The following SGCZ variants were observed in gnomAD, a reference collection of about 807,000 sequenced individuals.
SGCZ encodes the protein sarcoglycan zeta.
SGCZ carries 40 observed loss-of-function variants against 41.3 expected under a neutral mutation model. That is an observed-to-expected ratio of 0.97 (90% confidence interval 0.75 to 1.26). SGCZ has a LOEUF of 1.26. Among genes scored for constraint, SGCZ ranks in the 50% most tolerant of loss-of-function variants. SGCZ has a pLI of 0.00. For missense variants in SGCZ, 552 were observed against 369.8 expected (o/e 1.49, Z -4.04); for synonymous variants, 206 against 137.5 (o/e 1.50, Z -3.49).
chr8:14,335,053 G>GGATATCTGT (rs1802462960), intron 2 of SGCZ, among the ~76,000 whole-genome samples: 1 of 152,092 alleles, frequency 6.6e-6, no homozygotes, highest in Non-Finnish European at 1.5e-5. Flanking sequence ...AGCACATGAA[G>GGATATCTGT]ACACAGATGA....
At chr8:14,634,716 G>A (rs1241509856) in intron 1 of SGCZ, among the ~76,000 whole-genome samples, 4 of 151,540 alleles carry the variant, frequency 2.6e-5, no homozygotes, top group South Asian at 4.2e-4. Flanking sequence ...AGACACATAC[G>A]GAAATCACAA....
intron 3 of SGCZ, among the ~76,000 whole-genome samples, chr8:14,238,584 A>C (rs1299933903): frequency 6.6e-6 from 1 of 152,190 alleles, no homozygotes; most frequent in East Asian, 1.9e-4. Context: ...TTAACAGCTC[A>C]CATATTAGGC....
intron 1 of SGCZ, among the ~76,000 whole-genome samples, chr8:14,965,398 G>T (rs547010801): frequency 1.3e-5 from 2 of 152,198 alleles, no homozygotes; most frequent in South Asian, 4.1e-4. Context: ...ATGAAAGACG[G>T]AAAGTAAAGG....
chr8:14,115,583 G>A (rs924958446), intron 5 of SGCZ, among the ~76,000 whole-genome samples: 3 of 151,806 alleles, frequency 2.0e-5, no homozygotes, highest in Admixed American at 6.6e-5. Flanking sequence ...TTAAGATTTG[G>A]ACATTTTACC....
chr8:14,242,252 G>A (rs1434222678), intron 3 of SGCZ, among the ~76,000 whole-genome samples: 10 of 152,188 alleles, frequency 6.6e-5, no homozygotes, highest in Admixed American at 1.3e-4. Flanking sequence ...ACATTAAGTC[G>A]TAGTGAAATA....
chr8:14,190,255 G>A (rs934890618), intron 4 of SGCZ, among the ~76,000 whole-genome samples: 4 of 151,638 alleles, frequency 2.6e-5, no homozygotes, highest in African/African-American at 4.8e-5. Flanking sequence ...CTTGTGATCC[G>A]CCCACCTCGG....
chr8:15,070,671 A>T (rs1416079292), intron 1 of SGCZ, among the ~76,000 whole-genome samples: 1 of 152,176 alleles, frequency 6.6e-6, no homozygotes, highest in Non-Finnish European at 1.5e-5. Flanking sequence ...TTACTTAAAG[A>T]GCAATTCAAG....
At chr8:15,105,017 C>G (rs1336898189) in intron 1 of SGCZ, among the ~76,000 whole-genome samples, 1 of 152,112 alleles carries the variant, frequency 6.6e-6, no homozygotes, top group Non-Finnish European at 1.5e-5. Context: ...ATATGTAAGT[C>G]TATTTCACCA....
At chr8:15,098,407 C>G (rs17120915) in intron 1 of SGCZ, among the ~76,000 whole-genome samples, 16,546 of 152,118 alleles carry the variant, frequency 0.11, 950 homozygotes, top group Middle Eastern at 0.21. Flanking sequence ...TATCCCAGAC[C>G]CAAACAAATT....
intron 2 of SGCZ, among the ~76,000 whole-genome samples, chr8:14,423,764 T>G (rs1585490614): frequency 6.6e-6 from 1 of 152,174 alleles, no homozygotes; most frequent in African/African-American, 2.4e-5. Flanking sequence ...CTTTCTTCCT[T>G]CCTTCCGTCC....
intron 2 of SGCZ, among the ~76,000 whole-genome samples, chr8:14,379,645 A>G (rs188325200): frequency 6.6e-6 from 1 of 152,288 alleles, no homozygotes; most frequent in Admixed American, 6.5e-5. Context: ...ATAAGCATGT[A>G]ATAATAGGCA....
chr8:14,285,163 G>A (rs542700855), intron 3 of SGCZ, among the ~76,000 whole-genome samples: 1 of 151,980 alleles, frequency 6.6e-6, no homozygotes, highest in African/African-American at 2.4e-5. Flanking sequence ...GATCCTTCTA[G>A]GCTTTTTATT....
intron 2 of SGCZ, among the ~76,000 whole-genome samples, chr8:14,547,301 C>T (rs1297613120): frequency 1.3e-5 from 2 of 152,086 alleles, no homozygotes; most frequent in Admixed American, 6.6e-5. Context: ...CAAATAAGCT[C>T]CCTCATTCAG....
chr8:14,252,023 T>C (rs1799305776), intron 3 of SGCZ, among the ~76,000 whole-genome samples: 1 of 152,160 alleles, frequency 6.6e-6, no homozygotes, highest in Non-Finnish European at 1.5e-5. Flanking sequence ...TTCATGTCTT[T>C]TATTAGATTG....
intron 2 of SGCZ, among the ~76,000 whole-genome samples, chr8:14,430,743 G>C (rs772731429): frequency 1.3e-5 from 2 of 152,146 alleles, no homozygotes; most frequent in Non-Finnish European, 2.9e-5. Context: ...TCGGAAAAGA[G>C]AAAGTCAAAA....
chr8:14,981,039 A>C (rs1166448305), intron 1 of SGCZ, among the ~76,000 whole-genome samples: 1 of 152,100 alleles, frequency 6.6e-6, no homozygotes, highest in African/African-American at 2.4e-5. Context: ...TGCCCTACTA[A>C]ATCTTAATTA....
In SGCZ at chr8:14,433,571, G is replaced by A. The variant is rs1485114716; in HGVS notation, c.235-109367C>T. ...GTTGACCAAGGCCCCAAACTAATCT[G>A]CCATTATGATCTTCCATCATTGCAT... is the stretch of plus-strand genomic sequence containing the variant. On this transcript the variant is annotated intron_variant, in intron 2 of 7. Transcript: ENST00000382080. 3.3e-5 allele frequency among the ~76,000 whole-genome samples: 5 copies of A among 151,980 alleles called. No individual in the cohort carries two copies. The East Asian group carries it at 9.6e-4, about 29-fold the overall frequency.
At chr8:14,220,097 G>A (rs73664179) in intron 4 of SGCZ, among the ~76,000 whole-genome samples, 3,847 of 152,108 alleles carry the variant, frequency 0.025, 171 homozygotes, top group African/African-American at 0.087. Context: ...CTAATAGATC[G>A]GTGCTTCTAT....
intron 1 of SGCZ, among the ~76,000 whole-genome samples, chr8:15,045,087 AT>A (rs1313126413): frequency 3.0e-5 from 4 of 135,560 alleles, no homozygotes; most frequent in African/African-American, 1.1e-4. Flanking sequence ...TTTTATATTT[AT>A]TTATTTATTT....
Sources: allele counts gnomAD v4.1 joint callset (sites outside exome capture counted in the v4.1 genomes callset), GRCh38; gene constraint gnomAD v4.1.1; transcripts MANE v1.5; gene names NCBI Gene and HGNC (gene_info 2026-07-23, HGNC 2026-07-21).